Variants in LRRFIP1 observed in about 807,000 individuals in gnomAD.
The protein encoded by LRRFIP1 is leucine-rich repeat flightless-interacting protein 1.
Under a neutral mutation model 104.4 loss-of-function variants are expected in LRRFIP1, and 62 were observed. That is an observed-to-expected ratio of 0.59 (90% CI 0.48 to 0.73). The LOEUF is 0.73. Ranked by LOEUF, LRRFIP1 falls within the 30% of genes least tolerant of loss-of-function variation. LRRFIP1 has a pLI of 0.00. For synonymous variants in LRRFIP1, 300 were observed against 299.0 expected, an observed-to-expected ratio of 1.00 and a Z score of -0.03; for missense variants, 796 against 824.5, an observed-to-expected ratio of 0.97 and a Z score of 0.42.
At chr2:237,635,916 G>T (rs995859661) in intron 1 of LRRFIP1, among the ~76,000 whole-genome samples, 1 of 152,002 alleles carries the variant, frequency 6.6e-6, no homozygotes, top group African/African-American at 2.4e-5. Flanking sequence ...GGGCAACATG[G>T]TGAAATCCCT....
chr2:237,752,123 T>G (rs985024141), intron 14 of LRRFIP1, among the ~76,000 whole-genome samples: 3 of 152,108 alleles, frequency 2.0e-5, no homozygotes, highest in Non-Finnish European at 2.9e-5. Flanking sequence ...AAGGAGCCAC[T>G]TGGCCAGGCG....
chr2:237,772,225 A>T (rs766417333), intron 21 of LRRFIP1, 27 bp downstream of exon 21: 6 of 1,554,026 alleles, frequency 3.9e-6, no homozygotes, highest in Non-Finnish European at 4.4e-6. Flanking sequence ...GTGTAGAAGT[A>T]AATGCTTTCA....
At chr2:237,716,240 T>G (rs956350504) in intron 3 of LRRFIP1, among the ~76,000 whole-genome samples, 7 of 152,262 alleles carry the variant, frequency 4.6e-5, no homozygotes, top group African/African-American at 1.7e-4. Flanking sequence ...ATTAATTGAA[T>G]GCAAAATAGC....
chr2:237,735,401 C>A lies in LRRFIP1; in HGVS notation c.555+68C>A. The A allele has an allele frequency of 6.7e-7, 1 of 1,491,942 alleles. No homozygotes were observed. Among genetic ancestry groups the A allele is most frequent in the Non-Finnish European group, 9.1e-7 (1 of 1,097,242 alleles). 92.4% of individuals were successfully genotyped at this position (1,491,942 alleles called of 1,614,324 possible). Reference sequence around the variant, plus strand: ...GCATGGCCTGGGGATGCTCGCTGGGCAGGGTCCAGCCGTGGGGGGTGACTG... The same window carrying A: ...GCATGGCCTGGGGATGCTCGCTGGGAAGGGTCCAGCCGTGGGGGGTGACTG... On this transcript the variant is annotated intron_variant, in intron 10 of 23. Transcript: ENST00000308482. The surrounding 1 kb of genome is among the most constrained non-coding windows in gnomAD (Gnocchi z 4.6).
At chr2:237,700,690 C>T (rs2093469691) in intron 1 of LRRFIP1, among the ~76,000 whole-genome samples, 1 of 152,206 alleles carries the variant, frequency 6.6e-6, no homozygotes, top group South Asian at 2.1e-4. Flanking sequence ...GTCCTCTGTC[C>T]ATTGGCCCAC....
intron 1 of LRRFIP1, among the ~76,000 whole-genome samples, chr2:237,667,986 A>G (rs2089728856): frequency 6.6e-6 from 1 of 151,958 alleles, no homozygotes. Flanking sequence ...CAACCCCTGG[A>G]TGCCCTCATG....
At chr2:237,732,145 T>C (rs1481725925) in intron 8 of LRRFIP1, among the ~76,000 whole-genome samples, 1 of 152,248 alleles carries the variant, frequency 6.6e-6, no homozygotes, top group Non-Finnish European at 1.5e-5. Flanking sequence ...TTTTGTCAGT[T>C]GCCTGGCCCA....
At chr2:237,755,220 G>A (rs1175003850) in intron 15 of LRRFIP1, among the ~76,000 whole-genome samples, 1 of 152,206 alleles carries the variant, frequency 6.6e-6, no homozygotes, top group Non-Finnish European at 1.5e-5. Flanking sequence ...CTGAGCCTCA[G>A]GTGGGGAGGC....
At chr2:237,740,024 G>C (rs574559706) in intron 11 of LRRFIP1, among the ~76,000 whole-genome samples, 13 of 152,188 alleles carry the variant, frequency 8.5e-5, no homozygotes, top group African/African-American at 2.6e-4. Context: ...CCAGACCAGC[G>C]TTCCCACCCT....
At chr2:237,643,788 A>G (rs932734757) in intron 1 of LRRFIP1, among the ~76,000 whole-genome samples, 22 of 152,224 alleles carry the variant, frequency 1.4e-4, no homozygotes, top group African/African-American at 5.3e-4. Flanking sequence ...ACTTCACATA[A>G]CATTTGGAAA....
In LRRFIP1 at chr2:237,627,686, C is replaced by A; in HGVS notation, c.42C>A (p.Pro14=). Residue 14 remains proline (P), a synonymous_variant, in exon 1 of 24, where the codon CCC becomes CCA. Transcript: ENST00000308482. ...AGGGATCGGGGCGCAAGCGGCTCCC[C>A]AACCGGGAGCGGCTCACGGCGGAGG... The part of the protein sequence containing the change: ...GTQGSGRKRL[P]NRERLTAEDD... 7.3e-7 allele frequency: 1 copy of A among 1,371,952 alleles called. No homozygotes were observed. Among genetic ancestry groups the A allele is most frequent in the Non-Finnish European group, 9.5e-7 (1 of 1,050,702 alleles). The allele number at this position is 1,371,952 out of a possible 1,614,324, so 85.0% of individuals were successfully genotyped here.
rs116074107 is a variant in LRRFIP1, at chr2:237,647,533, C to G, written c.96+19793C>G. Among the ~76,000 whole-genome samples the G allele has an allele frequency of 4.3e-3, 655 of 152,176 alleles. 9 individuals are homozygous for G. Among genetic ancestry groups the G allele is most frequent in the African/African-American group, 0.015 (622 of 41,580 alleles). On this transcript the variant is annotated intron_variant, in intron 1 of 23. Transcript: ENST00000308482. ...AGATGGGTGCCCCCCCACCCTGCAG[C>G]AGGGTTGAGGGAGCAGAAGCGGGGT...
At chr2:237,690,237 C>T (rs73096881) in intron 1 of LRRFIP1, among the ~76,000 whole-genome samples, 5,836 of 152,110 alleles carry the variant, frequency 0.038, 335 homozygotes, top group African/African-American at 0.13. Flanking sequence ...TCACAGGGTT[C>T]GGGGTGTTGA....
intron 11 of LRRFIP1, among the ~76,000 whole-genome samples, chr2:237,743,341 A>C (rs1302885739): frequency 6.6e-6 from 1 of 152,206 alleles, no homozygotes; most frequent in Non-Finnish European, 1.5e-5. Context: ...ACCAGAATGA[A>C]GGAAGTGACT....
At chr2:237,643,678 C>T (rs2084395801) in intron 1 of LRRFIP1, among the ~76,000 whole-genome samples, 1 of 152,132 alleles carries the variant, frequency 6.6e-6, no homozygotes, top group Non-Finnish European at 1.5e-5. Flanking sequence ...CACAGCAGAC[C>T]CTGGATCACT....
chr2:237,689,013 C>T (rs2092592351), intron 1 of LRRFIP1, among the ~76,000 whole-genome samples: 2 of 151,128 alleles, frequency 1.3e-5, no homozygotes, highest in African/African-American at 4.9e-5. Context: ...GTTCCAGTCA[C>T]CCATTCACCA....
intron 8 of LRRFIP1, among the ~76,000 whole-genome samples, chr2:237,732,348 G>A (rs980271658): frequency 6.6e-5 from 10 of 152,246 alleles, no homozygotes; most frequent in African/African-American, 2.4e-4. Context: ...TCCGGCTCCA[G>A]CCTTGGGCTT....
In LRRFIP1 at chr2:237,779,580, T is replaced by A; in HGVS notation, c.*48T>A. On this transcript the variant is annotated 3_prime_UTR_variant, in exon 24 of 24. Transcript: ENST00000308482. ...TGGTTGGTGACTGGAGAGCATTGTTTCATAGGCTTTTCTCTGTCCTATCTG... is the reference window on the plus strand; with the variant it reads ...TGGTTGGTGACTGGAGAGCATTGTTACATAGGCTTTTCTCTGTCCTATCTG... 6.7e-7 allele frequency: 1 copy of A among 1,490,282 alleles called. No individual in the cohort carries two copies. 92.3% of individuals were successfully genotyped at this position (1,490,282 alleles called of 1,614,324 possible).
intron 10 of LRRFIP1, among the ~76,000 whole-genome samples, chr2:237,737,518 GC>G (rs1305238218): frequency 6.6e-6 from 1 of 152,190 alleles, no homozygotes; most frequent in Non-Finnish European, 1.5e-5. Flanking sequence ...AGGTTTGAGA[GC>G]TGCTTTTGCT....
Sources: allele counts gnomAD v4.1 joint callset (sites outside exome capture counted in the v4.1 genomes callset), GRCh38; gene constraint gnomAD v4.1.1; non-coding constraint Gnocchi (gnomAD v3.1); transcripts MANE v1.5; gene names NCBI Gene and HGNC (gene_info 2026-07-23, HGNC 2026-07-21).